NRXN3: variants seen among roughly 807,000 people sequenced by gnomAD.
NRXN3 encodes the protein neurexin III.
A neutral mutation model predicts 137.6 loss-of-function variants in NRXN3; 32 were observed. The observed-to-expected ratio is 0.23, with a 90% CI of 0.18 to 0.31. The LOEUF (loss-of-function observed/expected upper bound fraction) is 0.31. NRXN3 is among the 10% of genes least tolerant of loss of function. The pLI is 1.00. For synonymous variants in NRXN3, 798 were observed against 784.5 expected, an observed-to-expected ratio of 1.02 and a Z score of -0.29; for missense variants, 1,574 against 2,062.5, an observed-to-expected ratio of 0.76 and a Z score of 4.59.
At chr14:79,009,758 A>G (rs1413182367) in intron 15 of NRXN3, among the ~76,000 whole-genome samples, 2 of 152,104 alleles carry the variant, frequency 1.3e-5, no homozygotes, top group African/African-American at 4.8e-5. Flanking sequence ...TCTGTTGCCC[A>G]TTTTCTCCTC....
chr14:78,990,843 T>G (rs1197288986), intron 15 of NRXN3, among the ~76,000 whole-genome samples: 1 of 152,186 alleles, frequency 6.6e-6, no homozygotes, highest in Non-Finnish European at 1.5e-5. Flanking sequence ...AGACCTTCTG[T>G]TTTGGAACTA....
At chr14:78,505,556 A>G (rs1222482840) in intron 4 of NRXN3, among the ~76,000 whole-genome samples, 1 of 152,182 alleles carries the variant, frequency 6.6e-6, no homozygotes, top group Non-Finnish European at 1.5e-5. Context: ...TACTCTAAAA[A>G]TGCTAGATGA....
At chr14:78,647,182 C>T (rs954662222) in intron 5 of NRXN3, among the ~76,000 whole-genome samples, 4 of 152,204 alleles carry the variant, frequency 2.6e-5, no homozygotes, top group Admixed American at 6.5e-5. Context: ...ATCAGGCACA[C>T]TTAAGTCCTT....
At chr14:78,617,634 G>T (rs140374530) in intron 4 of NRXN3, among the ~76,000 whole-genome samples, 2 of 152,158 alleles carry the variant, frequency 1.3e-5, no homozygotes, top group East Asian at 1.9e-4. Flanking sequence ...AAACAAGGAA[G>T]AAGCTCTGGG....
At chr14:79,244,859 C>T (rs1406572342) in intron 15 of NRXN3, among the ~76,000 whole-genome samples, 1 of 152,128 alleles carries the variant, frequency 6.6e-6, no homozygotes. Flanking sequence ...CAAGGGAACA[C>T]TTAAACTCTA....
At chr14:78,222,987 G>T (rs181329333) in intron 1 of NRXN3, among the ~76,000 whole-genome samples, 92 of 152,312 alleles carry the variant, frequency 6.0e-4, no homozygotes, top group Admixed American at 1.6e-3. Flanking sequence ...CCACATAAAA[G>T]AATTCAAAAC....
chr14:79,195,135 C>T (rs1006377603), intron 15 of NRXN3, among the ~76,000 whole-genome samples: 18 of 152,058 alleles, frequency 1.2e-4, no homozygotes, highest in African/African-American at 4.3e-4. Context: ...CTGGCTTCCT[C>T]TCCTCAGAGC....
intron 4 of NRXN3, among the ~76,000 whole-genome samples, chr14:78,591,560 A>G (rs1264067770): frequency 6.6e-6 from 1 of 152,184 alleles, no homozygotes; most frequent in Non-Finnish European, 1.5e-5. Context: ...GAAATGAACT[A>G]GAAAGACTCT....
chr14:79,537,058 T>G (rs144172046), intron 16 of NRXN3, among the ~76,000 whole-genome samples: 2,542 of 152,306 alleles, frequency 0.017, 37 homozygotes, highest in East Asian at 0.076. Flanking sequence ...ATGTTTGAAC[T>G]AATTTACATT....
At chr14:78,835,907 G>A (rs2098995319) in intron 10 of NRXN3, among the ~76,000 whole-genome samples, 1 of 152,014 alleles carries the variant, frequency 6.6e-6, no homozygotes. Flanking sequence ...AAATGATCTT[G>A]CACAGGCTCT....
intron 15 of NRXN3, among the ~76,000 whole-genome samples, chr14:79,377,560 C>G (rs2153448115): frequency 6.6e-6 from 1 of 151,938 alleles, no homozygotes; most frequent in East Asian, 1.9e-4. Context: ...TCAAGACCAG[C>G]CTGGCCAACA....
At chr14:79,577,538 C>T (rs897285493) in intron 16 of NRXN3, among the ~76,000 whole-genome samples, 4 of 152,210 alleles carry the variant, frequency 2.6e-5, no homozygotes, top group African/African-American at 7.2e-5. Context: ...CAGTAACTTA[C>T]TCCTTCAGAA....
chr14:79,750,907 G>A (rs2098995320), intron 19 of NRXN3, among the ~76,000 whole-genome samples: 1 of 152,062 alleles, frequency 6.6e-6, no homozygotes, highest in Non-Finnish European at 1.5e-5. Context: ...TCTAGAGAAA[G>A]GTATGAAAAT....
At chr14:78,522,493 C>T (rs1030122) in intron 4 of NRXN3, among the ~76,000 whole-genome samples, 104,510 of 152,068 alleles carry the variant, frequency 0.69, 36,121 homozygotes, top group East Asian at 0.72. Context: ...TAGTTGACTA[C>T]AATTAAAATA....
intron 4 of NRXN3, among the ~76,000 whole-genome samples, chr14:78,547,425 C>T (rs1301925108): frequency 1.3e-5 from 2 of 152,068 alleles, no homozygotes; most frequent in Non-Finnish European, 2.9e-5. Context: ...GTCTCTATCT[C>T]CTGACCTCGT....
chr14:78,288,436 C>A (rs574399432), intron 3 of NRXN3, among the ~76,000 whole-genome samples: 42 of 152,328 alleles, frequency 2.8e-4, no homozygotes, highest in African/African-American at 1.0e-3. Flanking sequence ...GTGCCCATTT[C>A]TCTCCCTTTC....
chr14:78,561,278 C>T (rs922736792), intron 4 of NRXN3, among the ~76,000 whole-genome samples: 2 of 152,138 alleles, frequency 1.3e-5, no homozygotes, highest in African/African-American at 2.4e-5. Flanking sequence ...TTACCTATAA[C>T]TTTGTAGAGA....
At chr14:79,435,636 T>A (rs1361705169) in intron 15 of NRXN3, among the ~76,000 whole-genome samples, 1 of 105,208 alleles carries the variant, frequency 9.5e-6, no homozygotes, top group African/African-American at 3.5e-5. Context: ...ACACATACAT[T>A]CTTTGTTTGT....
chr14:79,306,761 G>T, intron 15 of NRXN3, among the ~76,000 whole-genome samples: 1 of 152,112 alleles, frequency 6.6e-6, no homozygotes, highest in East Asian at 1.9e-4. Context: ...CATCAGGTCT[G>T]CAAGATAGCA....
Sources: gnomAD v4.1 joint callset for allele counts (sites outside exome capture counted in the v4.1 genomes callset) on GRCh38, gnomAD v4.1.1 for gene constraint, MANE v1.5 for transcripts, NCBI Gene and HGNC (gene_info 2026-07-23, HGNC 2026-07-21) for gene names.